The following FAT3 variants were observed in gnomAD, a reference collection of about 807,000 sequenced individuals.
FAT3 encodes the protein FAT atypical cadherin 3.
In FAT3, 95 loss-of-function variants were observed where a neutral mutation model predicts 310.2. The ratio of observed to expected loss-of-function variants is 0.31; its 90% CI spans 0.26 to 0.36. The LOEUF is 0.36. Ranked by LOEUF, FAT3 falls within the 10% of genes least tolerant of loss-of-function variation. The pLI is 1.00. For synonymous variants in FAT3, 2,314 were observed against 2,192.9 expected (o/e 1.06, Z -1.54); for missense variants, 5,408 against 5,715.6 (o/e 0.95, Z 1.74).
At chr11:92,244,394 A>G (rs1455093614) in intron 1 of FAT3, among the ~76,000 whole-genome samples, 1 of 152,126 alleles carries the variant, frequency 6.6e-6, no homozygotes, top group African/African-American at 2.4e-5. Flanking sequence ...GTTGCACGAG[A>G]CATATTTTAT....
At chr11:92,350,219 G>A (rs540012735) in intron 1 of FAT3, among the ~76,000 whole-genome samples, 6 of 152,076 alleles carry the variant, frequency 3.9e-5, no homozygotes, top group Non-Finnish European at 7.4e-5. Context: ...TAATAAAGTC[G>A]AGATAGGAAA....
At chr11:92,880,385 G>T (rs1949645844) in intron 22 of FAT3, among the ~76,000 whole-genome samples, 1 of 150,722 alleles carries the variant, frequency 6.6e-6, no homozygotes, top group African/African-American at 2.4e-5. Context: ...CTCCTGTCTG[G>T]AGGCATCTGC....
chr11:92,894,696 C>T lies in FAT3; in HGVS notation c.*3583C>T, dbSNP rs1565689347. The T allele has an allele frequency of 6.6e-6, 1 of 152,174 alleles. No individual in the cohort carries two copies. Among genetic ancestry groups the T allele is most frequent in the Non-Finnish European group, 1.5e-5 (1 of 68,024 alleles). 9.4% of individuals were successfully genotyped at this position (152,174 alleles called of 1,614,324 possible). A position where few individuals can be genotyped will look rare whatever the true frequency, so the allele number is the denominator to read the frequency against. On this transcript the variant is annotated 3_prime_UTR_variant, in exon 28 of 28. Coordinates refer to ENST00000525166, the MANE Select transcript of FAT3 (RefSeq NM_001367949.2). Reference sequence around the variant, plus strand: ...TTTGCTGCTGCATTCTAGTCTATGCCAGCTTTCCATGTACCCTTGGCCTGC... The same window carrying T: ...TTTGCTGCTGCATTCTAGTCTATGCTAGCTTTCCATGTACCCTTGGCCTGC...
intron 22 of FAT3, among the ~76,000 whole-genome samples, chr11:92,869,494 A>G (rs914685853): frequency 6.6e-6 from 1 of 152,166 alleles, no homozygotes; most frequent in South Asian, 2.1e-4. Flanking sequence ...GGGGGTATCT[A>G]CCTCTTCCTG....
chr11:92,260,680 A>G (rs1029629503), intron 1 of FAT3, among the ~76,000 whole-genome samples: 2 of 152,102 alleles, frequency 1.3e-5, no homozygotes, highest in African/African-American at 4.8e-5. Context: ...TAACAAATAG[A>G]TTGTAAAGTT....
intron 3 of FAT3, among the ~76,000 whole-genome samples, chr11:92,530,801 G>A (rs551853033): frequency 1.6e-4 from 24 of 151,804 alleles, no homozygotes; most frequent in South Asian, 6.2e-4. Flanking sequence ...TAAGCCTTGT[G>A]TTTATGCACA....
intron 1 of FAT3, among the ~76,000 whole-genome samples, chr11:92,321,875 T>C (rs1456150028): frequency 6.6e-6 from 1 of 152,232 alleles, no homozygotes; most frequent in East Asian, 1.9e-4. Flanking sequence ...TATTTGAGTC[T>C]CTGCTCACTT....
At chr11:92,645,811 T>C (rs1041961386) in intron 3 of FAT3, among the ~76,000 whole-genome samples, 4 of 152,262 alleles carry the variant, frequency 2.6e-5, no homozygotes, top group Non-Finnish European at 5.9e-5. Context: ...TCTCCCCTAC[T>C]AGTGTGACAG....
intron 2 of FAT3, among the ~76,000 whole-genome samples, chr11:92,479,306 C>G (rs1021223096): frequency 6.6e-6 from 1 of 151,902 alleles, no homozygotes; most frequent in Non-Finnish European, 1.5e-5. Context: ...CCACTGCACC[C>G]AGACTTAAAC....
At chr11:92,521,643 G>A (rs1025501042) in intron 2 of FAT3, among the ~76,000 whole-genome samples, 5 of 152,186 alleles carry the variant, frequency 3.3e-5, no homozygotes, top group South Asian at 2.1e-4. Flanking sequence ...TGGGTAGAAA[G>A]TGAAGGATTC....
intron 3 of FAT3, among the ~76,000 whole-genome samples, chr11:92,692,974 A>T (rs755399199): frequency 5.3e-5 from 8 of 152,218 alleles, no homozygotes; most frequent in Non-Finnish European, 8.8e-5. Context: ...AGTCATCCTT[A>T]CAAGTATCAC....
intron 13 of FAT3, among the ~76,000 whole-genome samples, chr11:92,817,485 C>T (rs1947854077): frequency 6.6e-6 from 1 of 152,150 alleles, no homozygotes; most frequent in African/African-American, 2.4e-5. Flanking sequence ...CTCAGCTGTC[C>T]TCAGCTTCCT....
chr11:92,624,835 G>T (rs1205066690), intron 3 of FAT3, among the ~76,000 whole-genome samples: 2 of 152,164 alleles, frequency 1.3e-5, no homozygotes, highest in African/African-American at 4.8e-5. Context: ...TGTTTTGGCA[G>T]GGTGGCCTTC....
chr11:92,627,623 AAGCTGTGGTTTGAG>A (rs1169350578), intron 3 of FAT3, among the ~76,000 whole-genome samples: 2 of 152,136 alleles, frequency 1.3e-5, no homozygotes, highest in Non-Finnish European at 2.9e-5. Context: ...AGCTGAGGAG[AAGCTGTGGTTTGAG>A]AGCCAGGGAA....
intron 13 of FAT3, among the ~76,000 whole-genome samples, chr11:92,829,773 A>G (rs910218927): frequency 6.6e-6 from 1 of 152,198 alleles, no homozygotes; most frequent in African/African-American, 2.4e-5. Context: ...TGAAAAAGAA[A>G]TAAAAGTAAA....
At chr11:92,411,070 AAT>A (rs1235595748) in intron 2 of FAT3, among the ~76,000 whole-genome samples, 1 of 141,070 alleles carries the variant, frequency 7.1e-6, no homozygotes. Flanking sequence ...AATATATATA[AAT>A]ATATGAGAAC....
At chr11:92,594,158 T>C (rs1939585186) in intron 3 of FAT3, among the ~76,000 whole-genome samples, 1 of 152,038 alleles carries the variant, frequency 6.6e-6, no homozygotes, top group Non-Finnish European at 1.5e-5. Context: ...AGAGAATAAT[T>C]TGATGGCTGG....
At chr11:92,681,381 C>A (rs1201636983) in intron 3 of FAT3, among the ~76,000 whole-genome samples, 1 of 152,124 alleles carries the variant, frequency 6.6e-6, no homozygotes, top group South Asian at 2.1e-4. Context: ...GCCATGCAGA[C>A]ATCTGGGTAA....
rs1939509882 is a variant in FAT3 at position 92,592,920 on chromosome 11, T to C, written c.3607+67972T>C. Reference sequence around the variant, plus strand: ...ATTGTTGTACAATCTTCAGAACTGTTTTCATTTTGCAAAACTGAAACCCTA... The same window carrying C: ...ATTGTTGTACAATCTTCAGAACTGTCTTCATTTTGCAAAACTGAAACCCTA... On this transcript the variant is annotated intron_variant, in intron 3 of 27. Coordinates refer to ENST00000525166, the MANE Select transcript of FAT3 (RefSeq NM_001367949.2). 4.6e-5 allele frequency among the ~76,000 whole-genome samples: 7 copies of C among 152,172 alleles called. No individual in the cohort carries two copies. The South Asian group carries it at 1.5e-3, about 32-fold the overall frequency.
Sources: allele counts gnomAD v4.1 joint callset (sites outside exome capture counted in the v4.1 genomes callset), GRCh38; gene constraint gnomAD v4.1.1; transcripts MANE v1.5; gene names NCBI Gene and HGNC (gene_info 2026-07-23, HGNC 2026-07-21).